MOBP: variants seen among roughly 807,000 people sequenced by gnomAD.
MOBP encodes myelin associated oligodendrocyte basic protein, also known as myelin-associated oligodendrocyte basic protein.
Under a neutral mutation model 15.0 loss-of-function variants are expected in MOBP, and 5 were observed. The ratio of observed to expected loss-of-function variants is 0.33; its 90% CI spans 0.17 to 0.70. MOBP has a LOEUF of 0.70. Ranked by LOEUF, MOBP falls within the 30% of genes least tolerant of loss-of-function variation. The probability of loss-of-function intolerance (pLI) is 0.67; values close to 1 mark genes in which losing one functional copy is unlikely to be tolerated. For missense variants in MOBP, 188 were observed against 257.8 expected (o/e 0.73, Z 1.85); for synonymous variants, 88 against 99.0 (o/e 0.89, Z 0.66).
chr3:39,496,015 C>A (rs1442806955), intron 2 of MOBP, among the ~76,000 whole-genome samples: 1 of 151,610 alleles, frequency 6.6e-6, no homozygotes, highest in East Asian at 1.9e-4. Context: ...ACAACATGAA[C>A]TTGAAAAGTG....
downstream of MOBP, among the ~76,000 whole-genome samples, chr3:39,506,409 G>C (rs892826915): frequency 2.0e-5 from 3 of 152,150 alleles, no homozygotes; most frequent in African/African-American, 7.2e-5. Flanking sequence ...AAGTTTATTT[G>C]GGAGGTGAAG....
downstream of MOBP, among the ~76,000 whole-genome samples, chr3:39,520,825 C>T (rs567916411): frequency 3.9e-5 from 6 of 152,232 alleles, no homozygotes; most frequent in East Asian, 1.9e-4. Flanking sequence ...TGGCAATTCA[C>T]GTTAATTTCT....
chr3:39,516,621 A>G (rs771563763), downstream of MOBP, among the ~76,000 whole-genome samples: 5 of 152,206 alleles, frequency 3.3e-5, no homozygotes, highest in African/African-American at 7.2e-5. Context: ...TTCAACTCAC[A>G]TCTTTGAAAT....
At position 39,502,377 on chromosome 3, in the gene MOBP, G is replaced by A; in HGVS notation, c.206+102G>A. 6.4e-7 allele frequency: 1 copy of A among 1,559,078 alleles called. No individual in the cohort carries two copies. Among genetic ancestry groups the A allele is most frequent in the South Asian group, 1.2e-5 (1 of 84,586 alleles). On this transcript the variant is annotated intron_variant, in intron 3 of 3. Transcript: ENST00000684792. This position sits in a 1 kb window ranked among gnomAD's most constrained non-coding sequence, Gnocchi z 6.3. ...CGCACCCCACTCTTCCCCCTAGTCG[G>A]CTCCGGGTTAGGCTCCGACACCGGA...
chr3:39,479,839 G>A (rs1275675468), intron 1 of MOBP, among the ~76,000 whole-genome samples: 1 of 150,624 alleles, frequency 6.6e-6, no homozygotes, highest in Admixed American at 6.6e-5. Context: ...ATGTTAAGGC[G>A]GTTATTAAAA....
intron 2 of MOBP, among the ~76,000 whole-genome samples, chr3:39,483,972 G>A (rs946411): frequency 3.9e-5 from 6 of 152,260 alleles, no homozygotes; most frequent in African/African-American, 9.6e-5. Flanking sequence ...CAGTGTCAAC[G>A]TTCGTTCATT....
At chr3:39,505,481 GT>G (rs1475754078), downstream of MOBP, among the ~76,000 whole-genome samples, 1 of 152,152 alleles carries the variant, frequency 6.6e-6, no homozygotes, top group Non-Finnish European at 1.5e-5. Flanking sequence ...GCTTTTATTA[GT>G]TTGGGTGACT....
At position 39,502,162 on chromosome 3, in the gene MOBP, C is replaced by T; in HGVS notation, c.93C>T (p.Thr31=). ...HFSIHCCPPF[T]FLNSKKEIVD... The stretch of plus-strand genomic sequence containing the variant: ...GCATACACTGCTGCCCGCCGTTCAC[C>T]TTCCTCAATTCCAAGAAGGAGATAG... The change falls in exon 3 of 4, where the codon ACC becomes ACT. Residue 31 remains threonine, a synonymous_variant. Coordinates refer to ENST00000684792, the MANE Select transcript of MOBP (RefSeq NM_001393704.1). The surrounding 1 kb of genome is among the most constrained non-coding windows in gnomAD (Gnocchi z 6.3). 4 of 1,614,254 alleles carry T rather than the reference C, an allele frequency of 2.5e-6. No homozygotes were observed. Among genetic ancestry groups the T allele is most frequent in the Non-Finnish European group, 3.4e-6 (4 of 1,180,040 alleles).
chr3:39,508,186 T>C (rs902997319), intron 4 of MOBP, among the ~76,000 whole-genome samples: 7 of 152,218 alleles, frequency 4.6e-5, no homozygotes, highest in African/African-American at 1.7e-4. Flanking sequence ...AAAGGAAGCA[T>C]GTACCTCAAA....
chr3:39,507,308 G>A (rs1451679261), downstream of MOBP, among the ~76,000 whole-genome samples: 1 of 152,136 alleles, frequency 6.6e-6, no homozygotes, highest in African/African-American at 2.4e-5. Context: ...CCCCCAAGTT[G>A]GAAACCTAAG....
At chr3:39,513,340 C>T (rs372933674) in intron 4 of MOBP, 47 of 1,569,678 alleles carry the variant, frequency 3.0e-5, no homozygotes, top group South Asian at 2.7e-4. Flanking sequence ...GTATACATCA[C>T]CTACCTATGT....
intron 2 of MOBP, among the ~76,000 whole-genome samples, chr3:39,493,092 G>A (rs1444226802): frequency 6.6e-6 from 1 of 152,134 alleles, no homozygotes; most frequent in African/African-American, 2.4e-5. Context: ...GCCACCTGTG[G>A]CTTTCATGAC....
At chr3:39,494,796 C>CCCCCCCCA (rs3036570) in intron 2 of MOBP, among the ~76,000 whole-genome samples, 4 of 117,396 alleles carry the variant, frequency 3.4e-5, no homozygotes, top group Non-Finnish European at 5.2e-5. Flanking sequence ...CCCCCCGCCC[C>CCCCCCCCA]CCGAGTTACG....
intron 4 of MOBP, among the ~76,000 whole-genome samples, chr3:39,511,407 C>T (rs908759551): frequency 4.6e-5 from 7 of 152,192 alleles, no homozygotes; most frequent in African/African-American, 1.4e-4. Context: ...TGCTACAATA[C>T]GATGACTAGA....
chr3:39,486,691 A>T lies in MOBP; in HGVS notation c.-5+6568A>T, dbSNP rs191893392. On this transcript the variant is annotated intron_variant, in intron 2 of 3. Transcript: ENST00000684792. ...AATTGTTATAACCTGTGTCTTTTTG[A>T]TAATTGGTGAGTTTGAATGTATTTT... is the stretch of plus-strand genomic sequence containing the variant. Among the ~76,000 whole-genome samples, 787 of 152,168 alleles carry T rather than the reference A, an allele frequency of 5.2e-3. 3 individuals are homozygous for T. Among genetic ancestry groups the T allele is most frequent in the Non-Finnish European group, 7.6e-3 (515 of 67,996 alleles).
intron 2 of MOBP, among the ~76,000 whole-genome samples, chr3:39,480,426 A>G (rs1274346641): frequency 6.6e-6 from 1 of 152,126 alleles, no homozygotes; most frequent in Admixed American, 6.5e-5. Flanking sequence ...TGATAAACAG[A>G]CTTCCTCCCT....
chr3:39,493,954 A>G (rs2042837720), intron 2 of MOBP, among the ~76,000 whole-genome samples: 1 of 152,198 alleles, frequency 6.6e-6, no homozygotes, highest in South Asian at 2.1e-4. Flanking sequence ...CACTTACCAG[A>G]GGAGGGTTCC....
intron 3 of MOBP, among the ~76,000 whole-genome samples, chr3:39,523,848 G>A (rs1424884553): frequency 6.6e-6 from 1 of 152,184 alleles, no homozygotes; most frequent in African/African-American, 2.4e-5. Flanking sequence ...CTCACTAGCT[G>A]TGTGAGTTTG....
downstream of MOBP, chr3:39,517,722 G>A (rs2043220676): frequency 6.6e-6 from 1 of 152,202 alleles, no homozygotes; most frequent in Non-Finnish European, 1.5e-5. Flanking sequence ...TTAGGCAACA[G>A]TTTACTACCA....
Sources: gnomAD v4.1 joint callset for allele counts (sites outside exome capture counted in the v4.1 genomes callset) on GRCh38, gnomAD v4.1.1 for gene constraint, Gnocchi (gnomAD v3.1) non-coding constraint, MANE v1.5 for transcripts, NCBI Gene and HGNC (gene_info 2026-07-23, HGNC 2026-07-21) for gene names.